Variants in TRIP4 observed in about 807,000 individuals in gnomAD.
TRIP4 encodes the protein activating signal cointegrator 1.
In TRIP4, 54 loss-of-function variants were observed where a neutral mutation model predicts 81.8. The ratio of observed to expected loss-of-function variants is 0.66; its 90% CI spans 0.53 to 0.83. TRIP4 has a LOEUF of 0.83. Among genes scored for constraint, TRIP4 ranks in the 40% least tolerant of loss-of-function variants. TRIP4 has a pLI of 0.00. For synonymous variants in TRIP4, 270 were observed against 242.8 expected (o/e 1.11, Z -1.04); for missense variants, 662 against 683.6 (o/e 0.97, Z 0.35).
rs1596362908 is a variant in TRIP4, at chr15:64,444,906, A to G, written c.1576-100A>G. 9.1e-6 allele frequency: 6 copies of G among 659,420 alleles called. No individual in the cohort carries two copies. In the East Asian group the frequency reaches 1.6e-4, roughly 17 times the overall value. 40.8% of individuals were successfully genotyped at this position (659,420 alleles called of 1,614,324 possible). A position where few individuals can be genotyped will look rare whatever the true frequency, so the allele number is the denominator to read the frequency against. On this transcript the variant is annotated intron_variant, in intron 11 of 12. Coordinates refer to ENST00000261884, the MANE Select transcript of TRIP4 (RefSeq NM_016213.5). ...CTTTACCTGTGAAATGGAAAGTAGTATCATCAGAATGTTGAGGTGAAATCT... is the reference window on the plus strand; with the variant it reads ...CTTTACCTGTGAAATGGAAAGTAGTGTCATCAGAATGTTGAGGTGAAATCT...
chr15:64,394,466 A>G (rs1900230122), intron 2 of TRIP4, among the ~76,000 whole-genome samples: 2 of 152,050 alleles, frequency 1.3e-5, no homozygotes. Context: ...TTAGCCAGGC[A>G]TGGAGGCAGG....
chr15:64,423,013 A>G lies in TRIP4; in HGVS notation c.1359-1018A>G, dbSNP rs139552394. ...GAGGGATATATTATCAAGGTACTTT[A>G]TTTAATTTGGTGGGAGGGGAAAGAG... On this transcript the variant is annotated intron_variant, in intron 9 of 12. Transcript: ENST00000261884. 1.2e-4 allele frequency among the ~76,000 whole-genome samples: 19 copies of G among 152,314 alleles called. No individual in the cohort carries two copies. The East Asian group carries it at 3.7e-3, about 29-fold the overall frequency.
intron 1 of TRIP4, among the ~76,000 whole-genome samples, chr15:64,391,390 C>T (rs774602740): frequency 6.6e-5 from 10 of 151,722 alleles, no homozygotes; most frequent in Non-Finnish European, 1.2e-4. Flanking sequence ...CTCCTGACCT[C>T]GTGGTCTGCC....
chr15:64,433,889 T>C (rs562706364), intron 11 of TRIP4, among the ~76,000 whole-genome samples: 1 of 146,084 alleles, frequency 6.8e-6, no homozygotes, highest in South Asian at 2.2e-4. Context: ...TTGTAAACTT[T>C]CTTAAAACAT....
chr15:64,406,490 G>GAAAT (rs1596341321), intron 6 of TRIP4, 31 bp downstream of exon 6: 1 of 1,605,014 alleles, frequency 6.2e-7, no homozygotes, highest in African/African-American at 1.3e-5. Context: ...CAAATGCTAA[G>GAAAT]AAATAAACTA....
At chr15:64,403,313 T>C (rs1983310) in intron 5 of TRIP4, among the ~76,000 whole-genome samples, 126,528 of 152,052 alleles carry the variant, frequency 0.83, 55,046 homozygotes, top group East Asian at 0.96. Flanking sequence ...TGCACCACTA[T>C]GCCCAGTTAA....
intron 11 of TRIP4, among the ~76,000 whole-genome samples, chr15:64,428,483 C>T (rs1892199001): frequency 6.6e-6 from 1 of 152,214 alleles, no homozygotes; most frequent in African/African-American, 2.4e-5. Context: ...GTGCTGGCAA[C>T]TCTCTTTATG....
At chr15:64,454,707 C>G (rs1337364881) in intron 12 of TRIP4, among the ~76,000 whole-genome samples, 1 of 152,118 alleles carries the variant, frequency 6.6e-6, no homozygotes, top group Non-Finnish European at 1.5e-5. Flanking sequence ...AGCATCAAAC[C>G]CCTTAAAAAT....
rs558174810 is a variant in TRIP4, at chr15:64,449,878, A to G, written c.1678+4770A>G. Among the ~76,000 whole-genome samples the G allele has an allele frequency of 2.6e-5, 4 of 152,246 alleles. No individual in the cohort carries two copies. In the South Asian group the frequency reaches 6.2e-4, roughly 24 times the overall value. ...GAAAATTCCTATGAGAGTTATATCA[A>G]TTAATGACAAATATTTTTTCCCCTT... On this transcript the variant is annotated intron_variant, in intron 12 of 12. Coordinates refer to ENST00000261884, the MANE Select transcript of TRIP4 (RefSeq NM_016213.5).
intron 12 of TRIP4, 86 bp from the exon 13 acceptor site, chr15:64,454,911 C>T: frequency 1.7e-6 from 2 of 1,197,548 alleles, no homozygotes; most frequent in Non-Finnish European, 2.5e-6. Flanking sequence ...GACAGGAACA[C>T]AGTAACCAGA....
rs10468032 is a variant in TRIP4, at chr15:64,409,969, G to A, written c.1043+141G>A. Reference sequence around the variant, plus strand: ...CAGAAAACATGTTAAGAATAGCTAAGAAAAAATGTTTAAATGAGCACTCCT... The same window carrying A: ...CAGAAAACATGTTAAGAATAGCTAAAAAAAAATGTTTAAATGAGCACTCCT... On this transcript the variant is annotated intron_variant, in intron 7 of 12. Transcript: ENST00000261884. The A allele has an allele frequency of 0.81, 548,173 of 673,484 alleles. 230,267 individuals carry two copies. Among genetic ancestry groups the A allele is most frequent in the East Asian group, 0.94 (31,184 of 33,274 alleles). 41.7% of individuals were successfully genotyped at this position (673,484 alleles called of 1,614,324 possible).
At position 64,424,218 on chromosome 15, in the gene TRIP4, TC is replaced by T. The variant is rs1474570166; in HGVS notation, c.1483+64del. On this transcript the variant is annotated intron_variant, in intron 10 of 12. Transcript: ENST00000261884. ...GGAGAGAAGTCATTGACGTTCATCTTCTTTCACTTCCTTCTTTCTTTGGCTT... is the reference window on the plus strand; with the variant it reads ...GGAGAGAAGTCATTGACGTTCATCTTTTTCACTTCCTTCTTTCTTTGGCTT... The T allele has an allele frequency of 7.9e-5, 126 of 1,594,742 alleles. 1 individual carries two copies. The highest frequency in any genetic ancestry group is 5.0e-4 in the Middle Eastern group (3 of 5,948).
intron 5 of TRIP4, among the ~76,000 whole-genome samples, chr15:64,402,781 C>T (rs180825857): frequency 7.4e-4 from 112 of 152,282 alleles, no homozygotes; most frequent in African/African-American, 2.5e-3. Flanking sequence ...CCACCTCAAC[C>T]TCCCAAAGTG....
In TRIP4 at chr15:64,417,621, T is replaced by G. The variant is rs145599332; in HGVS notation, c.1171-920T>G. On this transcript the variant is annotated intron_variant, in intron 8 of 12. Transcript: ENST00000261884. ...GACTCTTCACTCTCCTGTAATTACC[T>G]GTACCTTATAATTCTCTATTCTTTT... 6.5e-3 allele frequency among the ~76,000 whole-genome samples: 996 copies of G among 152,316 alleles called. 14 individuals are homozygous for G. The highest frequency in any genetic ancestry group is 0.023 in the African/African-American group (954 of 41,566).
intron 4 of TRIP4, among the ~76,000 whole-genome samples, chr15:64,398,191 G>A (rs576581671): frequency 2.1e-4 from 32 of 152,148 alleles, no homozygotes; most frequent in African/African-American, 7.7e-4. Flanking sequence ...GTCAGCCACC[G>A]TGCCTGGCTT....
chr15:64,400,019 A>G (rs1279598629), intron 4 of TRIP4, among the ~76,000 whole-genome samples: 1 of 151,596 alleles, frequency 6.6e-6, no homozygotes, highest in Non-Finnish European at 1.5e-5. Flanking sequence ...CGTACTCTCA[A>G]AGATAAATAT....
chr15:64,454,336 T>A (rs1396754261), intron 12 of TRIP4, among the ~76,000 whole-genome samples: 1 of 152,178 alleles, frequency 6.6e-6, no homozygotes, highest in African/African-American at 2.4e-5. Context: ...AACTCTATCC[T>A]GGTAGATCTG....
chr15:64,450,045 A>C (rs1892719508), intron 12 of TRIP4, among the ~76,000 whole-genome samples: 1 of 152,218 alleles, frequency 6.6e-6, no homozygotes, highest in African/African-American at 2.4e-5. Context: ...ACACCCTACC[A>C]TGAAGAGGAT....
intron 7 of TRIP4, among the ~76,000 whole-genome samples, chr15:64,412,885 TCACA>T (rs1434175561): frequency 1.3e-5 from 2 of 152,156 alleles, no homozygotes; most frequent in African/African-American, 2.4e-5. Flanking sequence ...ATGAAAATCA[TCACA>T]TTCTTTTATA....
Sources: gnomAD v4.1 joint callset for allele counts (sites outside exome capture counted in the v4.1 genomes callset) on GRCh38, gnomAD v4.1.1 for gene constraint, MANE v1.5 for transcripts, NCBI Gene and HGNC (gene_info 2026-07-23, HGNC 2026-07-21) for gene names.